Variants in ADAMTS14 observed in about 807,000 individuals in gnomAD.
ADAMTS14 encodes A disintegrin and metalloproteinase with thrombospondin motifs 14.
Under a neutral mutation model 128.6 loss-of-function variants are expected in ADAMTS14, and 100 were observed. That is an observed-to-expected ratio of 0.78 (90% CI 0.66 to 0.92). ADAMTS14 has a LOEUF of 0.92. Among genes scored for constraint, ADAMTS14 ranks in the 40% least tolerant of loss-of-function variants. The probability of loss-of-function intolerance (pLI) is 0.00; values close to 1 mark genes in which losing one functional copy is unlikely to be tolerated. For synonymous variants in ADAMTS14, 665 were observed against 653.8 expected, an observed-to-expected ratio of 1.02 and a Z score of -0.26; for missense variants, 1,562 against 1,658.6, an observed-to-expected ratio of 0.94 and a Z score of 1.01.
At chr10:70,733,309 CAA>C (rs1341475601) in intron 7 of ADAMTS14, among the ~76,000 whole-genome samples, 1 of 152,208 alleles carries the variant, frequency 6.6e-6, no homozygotes, top group African/African-American at 2.4e-5. Context: ...TTGTGAAGAG[CAA>C]ACTTTTAAAT....
At chr10:70,711,822 C>G (rs74393842) in intron 4 of ADAMTS14, among the ~76,000 whole-genome samples, 2,139 of 152,160 alleles carry the variant, frequency 0.014, 28 homozygotes, top group Non-Finnish European at 0.023. Context: ...TGGCCGGCAC[C>G]CATTGAGATG....
At position 70,735,982 on chromosome 10, in the gene ADAMTS14, C is replaced by T. The variant is rs1202210362; in HGVS notation, c.1485+681C>T. ...CCATCAGGGAATGCAGCTCTCTTCA[C>T]CTCCGTGGAATGGGGAGCGCCCCCA... On this transcript the variant is annotated intron_variant, in intron 9 of 21. Coordinates refer to ENST00000373207, the MANE Select transcript of ADAMTS14 (RefSeq NM_080722.4). Among the ~76,000 whole-genome samples, 15 of 152,222 alleles carry T rather than the reference C, an allele frequency of 9.9e-5. No homozygotes were observed. The East Asian group carries it at 2.9e-3, about 29-fold the overall frequency.
intron 10 of ADAMTS14, 67 bp from the exon 11 acceptor site, chr10:70,738,775 T>C: frequency 1.2e-6 from 2 of 1,606,220 alleles, no homozygotes; most frequent in Admixed American, 3.3e-5. Flanking sequence ...TATCCCTTTT[T>C]CTGGCTCCCC....
At chr10:70,754,082 G>C in intron 19 of ADAMTS14, 75 bp downstream of exon 19, 1 of 1,362,362 alleles carries the variant, frequency 7.3e-7, no homozygotes, top group Non-Finnish European at 9.7e-7. Flanking sequence ...GTTCCCTGCA[G>C]GCAAGAGAGT....
In ADAMTS14 at chr10:70,729,294, G is replaced by A. The variant is rs1356061842; in HGVS notation, c.871G>A (p.Val291Ile). The change falls in exon 5 of 22, where the codon GTA becomes ATA. Residue 291 changes from valine (V) to isoleucine (I), a missense_variant and splice_region_variant. Coordinates refer to ENST00000373207, the MANE Select transcript of ADAMTS14 (RefSeq NM_080722.4). ...CTTAAACTGTATTTTCTTCTTGCAG[G>A]TAGATGAGATTTACCACGATGAGTC... ...QNYVLTLMNI[V>I]DEIYHDESLG... The A allele has an allele frequency of 1.2e-6, 2 of 1,612,630 alleles. No individual in the cohort carries two copies. Among genetic ancestry groups the A allele is most frequent in the African/African-American group, 2.7e-5 (2 of 74,970 alleles).
chr10:70,681,172 A>T (rs745511359), intron 2 of ADAMTS14, among the ~76,000 whole-genome samples: 1 of 152,164 alleles, frequency 6.6e-6, no homozygotes, highest in African/African-American at 2.4e-5. Context: ...CACAGACCAT[A>T]CTAAGCTTCA....
At chr10:70,738,768 C>T (rs1841904065) in intron 10 of ADAMTS14, 74 bp from the exon 11 acceptor site, 4 of 1,600,252 alleles carry the variant, frequency 2.5e-6, no homozygotes, top group South Asian at 1.1e-5. Flanking sequence ...CTCTTGCTAT[C>T]CCTTTTTCTG....
intron 11 of ADAMTS14, among the ~76,000 whole-genome samples, 157 bp downstream of exon 11, chr10:70,739,147 C>G (rs1841919673): frequency 6.6e-6 from 1 of 152,084 alleles, no homozygotes; most frequent in Non-Finnish European, 1.5e-5. Context: ...TTGGTGGAGG[C>G]AGATCACTCC....
rs983965263 is a variant in ADAMTS14, at chr10:70,752,379, C to T, written c.2729+152C>T. ...CTTTCAGTGCTTCTGGGCTCCAGGCCCAGGCCAGGATGCTGACCTCTACCT... is the reference window on the plus strand; with the variant it reads ...CTTTCAGTGCTTCTGGGCTCCAGGCTCAGGCCAGGATGCTGACCTCTACCT... On this transcript the variant is annotated intron_variant, in intron 18 of 21. Coordinates refer to ENST00000373207, the MANE Select transcript of ADAMTS14 (RefSeq NM_080722.4). 9.0e-6 allele frequency: 11 copies of T among 1,225,896 alleles called. No homozygotes were observed. The African/African-American group carries it at 9.3e-5, about 10-fold the overall frequency. The allele number at this position is 1,225,896 out of a possible 1,614,324, so 75.9% of individuals were successfully genotyped here.
In ADAMTS14 at chr10:70,706,808, C is replaced by A. The variant is rs186248210; in HGVS notation, c.680-1780C>A. On this transcript the variant is annotated intron_variant, in intron 3 of 21. Coordinates refer to ENST00000373207, the MANE Select transcript of ADAMTS14 (RefSeq NM_080722.4). ...ATGGTGACACCAAGCCCTGTGTGTTCCCTGTTACCTGTCCTCAGATCCCCA... is the reference window on the plus strand; with the variant it reads ...ATGGTGACACCAAGCCCTGTGTGTTACCTGTTACCTGTCCTCAGATCCCCA... Among the ~76,000 whole-genome samples the A allele has an allele frequency of 1.8e-3, 269 of 152,350 alleles. 5 individuals carry two copies. The East Asian group carries it at 0.038, about 21-fold the overall frequency.
intron 8 of ADAMTS14, 140 bp downstream of exon 8, chr10:70,734,168 C>A: frequency 8.5e-7 from 1 of 1,169,706 alleles, no homozygotes; most frequent in Non-Finnish European, 1.2e-6. Flanking sequence ...CCCGCCAAAC[C>A]TGGCCTAAAA....
At chr10:70,712,098 C>T (rs1840880428) in intron 4 of ADAMTS14, among the ~76,000 whole-genome samples, 2 of 152,128 alleles carry the variant, frequency 1.3e-5, no homozygotes, top group Non-Finnish European at 2.9e-5. Context: ...CTGAACACAC[C>T]CACCATGCTG....
At chr10:70,740,933 C>T (rs1589323418) in intron 11 of ADAMTS14, 54 bp from the exon 12 acceptor site, 1 of 1,582,918 alleles carries the variant, frequency 6.3e-7, no homozygotes. Context: ...GAAACCTGGC[C>T]CTCCCCAGCC....
chr10:70,691,372 TC>T (rs1840180384), intron 2 of ADAMTS14, among the ~76,000 whole-genome samples: 1 of 140,362 alleles, frequency 7.1e-6, no homozygotes, highest in Non-Finnish European at 1.6e-5. Flanking sequence ...ACACCTGTAG[TC>T]CCAGCTACTC....
chr10:70,731,556 C>T (rs903909559), intron 6 of ADAMTS14, among the ~76,000 whole-genome samples: 4 of 152,192 alleles, frequency 2.6e-5, no homozygotes, highest in African/African-American at 9.7e-5. Context: ...TGCCGGCCCC[C>T]CTGCACTGCC....
At chr10:70,720,539 A>C (rs1841224005) in intron 4 of ADAMTS14, among the ~76,000 whole-genome samples, 2 of 152,202 alleles carry the variant, frequency 1.3e-5, no homozygotes, top group Admixed American at 1.3e-4. Flanking sequence ...GTGAGGTCTT[A>C]GTGTCCCAAC....
At chr10:70,694,340 A>G (rs1420516891) in intron 2 of ADAMTS14, among the ~76,000 whole-genome samples, 3 of 152,184 alleles carry the variant, frequency 2.0e-5, no homozygotes, top group Non-Finnish European at 4.4e-5. Flanking sequence ...ATGCATGCAT[A>G]TTATCTTTTT....
chr10:70,732,199 C>A, intron 6 of ADAMTS14, 55 bp from the exon 7 acceptor site: 2 of 1,478,758 alleles, frequency 1.4e-6, no homozygotes, highest in Non-Finnish European at 1.9e-6. Context: ...CTCAGTGTGT[C>A]CTGCCTCACC....
rs1840742475 is a variant in ADAMTS14, at chr10:70,708,702, T to A, written c.794T>A (p.Leu265Gln). 3 of 1,609,210 alleles carry A rather than the reference T, an allele frequency of 1.9e-6. No homozygotes were observed. The highest frequency in any genetic ancestry group is 2.7e-5 in the African/African-American group (2 of 73,902). The change falls in exon 4 of 22, where the codon CTG becomes CAG. Residue 265 changes from leucine (L) to glutamine (Q), a missense_variant. Leu to Gln is a moderately radical substitution (Grantham distance 113). Coordinates refer to ENST00000373207, the MANE Select transcript of ADAMTS14 (RefSeq NM_080722.4). Reference sequence around the variant, plus strand: ...GGCAGCTACAGCATCGAGGTGCTGCTGGTGGTGGACGACTCGGTGGTTCGC... The same window carrying A: ...GGCAGCTACAGCATCGAGGTGCTGCAGGTGGTGGACGACTCGGTGGTTCGC... ...KPGSYSIEVL[L>Q]VVDDSVVRFH...
Sources: allele counts gnomAD v4.1 joint callset (sites outside exome capture counted in the v4.1 genomes callset), GRCh38; gene constraint gnomAD v4.1.1; transcripts MANE v1.5; gene names NCBI Gene and HGNC (gene_info 2026-07-23, HGNC 2026-07-21).